The following IGFL2 variants were observed in gnomAD, a reference collection of about 807,000 sequenced individuals.
IGFL2 encodes the protein insulin growth factor-like family member 2.
IGFL2 carries 7 observed loss-of-function variants against 13.9 expected under a neutral mutation model. The ratio of observed to expected loss-of-function variants is 0.51; its 90% CI spans 0.29 to 0.95. The LOEUF is 0.95. Ranked by LOEUF, IGFL2 falls within the 40% of genes least tolerant of loss-of-function variation. The pLI is 0.08. For missense variants in IGFL2, 138 were observed against 147.8 expected (o/e 0.93, Z 0.34); for synonymous variants, 55 against 55.8 (o/e 0.99, Z 0.07).
the IGFL2 span, among the ~76,000 whole-genome samples, chr19:46,190,712 G>A: frequency 1.3e-5 from 2 of 152,180 alleles, no homozygotes; most frequent in Non-Finnish European, 2.9e-5. Context: ...CCTCTCCTGT[G>A]GGGCAAAGAG....
At chr19:46,118,788 G>A in the IGFL2 span, among the ~76,000 whole-genome samples, 50 of 152,188 alleles carry the variant, frequency 3.3e-4, no homozygotes, top group African/African-American at 1.2e-3. Context: ...CACGTGAGCA[G>A]ACTGCATTCC....
the IGFL2 span, among the ~76,000 whole-genome samples, chr19:46,201,284 T>C: frequency 6.6e-6 from 1 of 152,232 alleles, no homozygotes; most frequent in Non-Finnish European, 1.5e-5. Context: ...GCCTGGGCCA[T>C]GGTCAGTGCC....
the IGFL2 span, among the ~76,000 whole-genome samples, chr19:46,135,467 C>T: frequency 0.037 from 5,592 of 152,088 alleles, 159 homozygotes; most frequent in East Asian, 0.071. Context: ...CTGAACCATC[C>T]GAACCATCCC....
the IGFL2 span, among the ~76,000 whole-genome samples, chr19:46,117,767 C>G: frequency 6.6e-6 from 1 of 152,158 alleles, no homozygotes; most frequent in African/African-American, 2.4e-5. Flanking sequence ...GTGTGAGCCA[C>G]CGCGCCCGGA....
the IGFL2 span, among the ~76,000 whole-genome samples, chr19:46,085,786 T>C: frequency 6.6e-6 from 1 of 152,212 alleles, no homozygotes; most frequent in African/African-American, 2.4e-5. Flanking sequence ...TGTTTAACAC[T>C]CCCTTAAGGA....
At chr19:46,151,224 C>T (rs190558884) in intron 1 of IGFL2, among the ~76,000 whole-genome samples, 6 of 152,174 alleles carry the variant, frequency 3.9e-5, no homozygotes, top group South Asian at 4.2e-4. Context: ...TTTATATGTT[C>T]GCTCTTGTAT....
At chr19:46,105,735 G>C in the IGFL2 span, among the ~76,000 whole-genome samples, 1 of 152,162 alleles carries the variant, frequency 6.6e-6, no homozygotes, top group Non-Finnish European at 1.5e-5. Flanking sequence ...TTGTGATTTT[G>C]AAGGCCTCTA....
the IGFL2 span, among the ~76,000 whole-genome samples, chr19:46,123,320 A>G: frequency 6.6e-6 from 1 of 150,908 alleles, no homozygotes; most frequent in Non-Finnish European, 1.5e-5. Context: ...AAAAATAGAA[A>G]CAAAAGGACT....
At chr19:46,101,978 G>A in the IGFL2 span, among the ~76,000 whole-genome samples, 2 of 152,232 alleles carry the variant, frequency 1.3e-5, no homozygotes, top group Admixed American at 6.5e-5. Flanking sequence ...CACATCCCAA[G>A]GGCAGTAACA....
chr19:46,197,151 G>T, the IGFL2 span: 2 of 229,458 alleles, frequency 8.7e-6, no homozygotes, highest in East Asian at 2.2e-4. Context: ...ACCCAGAGGG[G>T]TGGAACTGCA....
At chr19:46,206,665 A>G in the IGFL2 span, 1 of 152,210 alleles carries the variant, frequency 6.6e-6, no homozygotes, top group Admixed American at 6.5e-5. Context: ...ACACTGATGA[A>G]TAAGACACTG....
chr19:46,096,982 T>C, the IGFL2 span, among the ~76,000 whole-genome samples: 1 of 152,168 alleles, frequency 6.6e-6, no homozygotes, highest in African/African-American at 2.4e-5. Flanking sequence ...GTTTTACTTT[T>C]TTGTTGTATC....
chr19:46,110,574 A>G, the IGFL2 span, among the ~76,000 whole-genome samples: 19 of 152,228 alleles, frequency 1.2e-4, no homozygotes, highest in Non-Finnish European at 1.6e-4. Context: ...TACTTAATGG[A>G]CTTGTTATAA....
the IGFL2 span, among the ~76,000 whole-genome samples, chr19:46,182,184 T>C: frequency 6.6e-6 from 1 of 151,938 alleles, no homozygotes; most frequent in East Asian, 1.9e-4. Flanking sequence ...CTGGCCAACA[T>C]AGTGAAACCC....
At chr19:46,139,021 T>C (rs1440484178), upstream of IGFL2, among the ~76,000 whole-genome samples, 1 of 152,008 alleles carries the variant, frequency 6.6e-6, no homozygotes, top group Admixed American at 6.6e-5. Context: ...CAAATGTCCA[T>C]GGGGGCTGTG....
the IGFL2 span, among the ~76,000 whole-genome samples, chr19:46,127,796 A>G: frequency 6.6e-6 from 1 of 151,912 alleles, no homozygotes; most frequent in Non-Finnish European, 1.5e-5. Flanking sequence ...TCTACTTTTA[A>G]TTTTTTCGTA....
At chr19:46,186,372 G>A in the IGFL2 span, among the ~76,000 whole-genome samples, 1 of 152,268 alleles carries the variant, frequency 6.6e-6, no homozygotes, top group African/African-American at 2.4e-5. Flanking sequence ...ATTTTGGATG[G>A]GATATTACCC....
the IGFL2 span, among the ~76,000 whole-genome samples, chr19:46,079,502 A>G: frequency 7.9e-5 from 12 of 152,144 alleles, no homozygotes; most frequent in Non-Finnish European, 1.3e-4. Context: ...TATAGCCCGA[A>G]TGAGACCCAA....
At chr19:46,167,796 C>G in the IGFL2 span, among the ~76,000 whole-genome samples, 1 of 152,116 alleles carries the variant, frequency 6.6e-6, no homozygotes, top group South Asian at 2.1e-4. Context: ...AGCTTGTACT[C>G]TCCCTGCACA....
Sources: allele counts gnomAD v4.1 joint callset (sites outside exome capture counted in the v4.1 genomes callset), GRCh38; gene constraint gnomAD v4.1.1; transcripts MANE v1.5; gene names NCBI Gene and HGNC (gene_info 2026-07-23, HGNC 2026-07-21).